CLNS1A: variants seen among roughly 807,000 people sequenced by gnomAD.
The protein encoded by CLNS1A is methylosome subunit pICln.
A neutral mutation model predicts 29.4 loss-of-function variants in CLNS1A; 16 were observed. That is an observed-to-expected ratio of 0.54 (90% CI 0.37 to 0.83). CLNS1A has a LOEUF of 0.83. Ranked by LOEUF, CLNS1A falls within the 40% of genes least tolerant of loss-of-function variation. CLNS1A has a pLI of 0.00. For missense variants in CLNS1A, 235 were observed against 287.4 expected, an observed-to-expected ratio of 0.82 and a Z score of 1.32; for synonymous variants, 96 against 104.8, an observed-to-expected ratio of 0.92 and a Z score of 0.51.
At chr11:77,626,076 A>G (rs7131298) in intron 2 of CLNS1A, among the ~76,000 whole-genome samples, 27,492 of 151,860 alleles carry the variant, frequency 0.18, 3,192 homozygotes, top group African/African-American at 0.31. Flanking sequence ...TTTTAAGGTT[A>G]TTTTTAAGGT....
At chr11:77,627,821 G>C (rs2135770583) in intron 2 of CLNS1A, among the ~76,000 whole-genome samples, 2 of 152,114 alleles carry the variant, frequency 1.3e-5, no homozygotes, top group Middle Eastern at 3.4e-3. Context: ...GTTAATGACA[G>C]AGTTCTTACT....
chr11:77,629,875 A>T lies in CLNS1A; in HGVS notation c.150T>A (p.Ser50=), dbSNP rs370530619. 2.5e-6 allele frequency: 4 copies of T among 1,614,010 alleles called. No individual in the cohort carries two copies. In the African/African-American group the frequency reaches 5.3e-5, roughly 22 times the overall value. Residue 50 remains serine, a synonymous_variant, in exon 2 of 7, where the codon TCT becomes TCA. Transcript: ENST00000525428. ...GGTATTCCAGTGAGAATCCTAATCC[A>T]GAGCCATCTAACCAAGACAGGCGGC... ...AESRLSWLDG[S]GLGFSLEYPT...
chr11:77,628,536 C>G (rs2135771643), intron 2 of CLNS1A, among the ~76,000 whole-genome samples: 1 of 152,250 alleles, frequency 6.6e-6, no homozygotes, highest in East Asian at 1.9e-4. Flanking sequence ...AATTTGAAAT[C>G]TTATAACAAA....
At position 77,629,885 on chromosome 11, in the gene CLNS1A, A is replaced by C. The variant is rs1959058069; in HGVS notation, c.140T>G (p.Leu47Ter). Residue 47 changes from leucine to a stop codon, truncating the protein, a stop_gained, in exon 2 of 7, where the codon TTA becomes TGA. Coordinates refer to ENST00000525428, the MANE Select transcript of CLNS1A (RefSeq NM_001293.3). LOFTEE classifies it high-confidence loss of function. ...LYIAESRLSW[L>*]DGSGLGFSLE... ...TGAGAATCCTAATCCAGAGCCATCT[A>C]ACCAAGACAGGCGGCTGAAAAACAT... is the stretch of plus-strand genomic sequence containing the variant. 2.5e-6 allele frequency: 4 copies of C among 1,614,078 alleles called. No homozygotes were observed. The highest frequency in any genetic ancestry group is 3.4e-6 in the Non-Finnish European group (4 of 1,179,932).
At position 77,615,906 on chromosome 11, in the gene CLNS1A, G is replaced by T. The variant is rs1006941160; in HGVS notation, c.*812C>A. On this transcript the variant is annotated 3_prime_UTR_variant, in exon 7 of 7. Coordinates refer to ENST00000525428, the MANE Select transcript of CLNS1A (RefSeq NM_001293.3). ...CAGGTATCTATGAAAACTAAAAATT[G>T]AGAGTTGATAAATATAAGAAATTAC... is the stretch of plus-strand genomic sequence containing the variant. The T allele has an allele frequency of 6.6e-6, 1 of 152,176 alleles. No individual in the cohort carries two copies. The highest frequency in any genetic ancestry group is 6.5e-5 in the Admixed American group (1 of 15,274). The allele number at this position is 152,176 out of a possible 1,614,324, so 9.4% of individuals were successfully genotyped here. A position where few individuals can be genotyped will look rare whatever the true frequency, so the allele number is the denominator to read the frequency against.
In CLNS1A at chr11:77,629,554, T is replaced by C. The variant is rs545725334; in HGVS notation, c.262+209A>G. Among the ~76,000 whole-genome samples the C allele has an allele frequency of 1.3e-4, 20 of 152,116 alleles. No individual in the cohort carries two copies. In the East Asian group the frequency reaches 3.7e-3, roughly 28 times the overall value. ...GACTACAGGCGCCCACCACCACGCCTGGCTAATTTTTTGTATTTTTTAGTA... is the reference window on the plus strand; with the variant it reads ...GACTACAGGCGCCCACCACCACGCCCGGCTAATTTTTTGTATTTTTTAGTA... On this transcript the variant is annotated intron_variant, in intron 2 of 6. Coordinates refer to ENST00000525428, the MANE Select transcript of CLNS1A (RefSeq NM_001293.3).
At chr11:77,622,998 T>G (rs555177409) in intron 4 of CLNS1A, among the ~76,000 whole-genome samples, 4 of 146,576 alleles carry the variant, frequency 2.7e-5, no homozygotes, top group African/African-American at 1.0e-4. Context: ...ACTGTCCAAA[T>G]AGGCTTCCAG....
chr11:77,621,018 C>T (rs550723582), intron 5 of CLNS1A, among the ~76,000 whole-genome samples: 2 of 151,482 alleles, frequency 1.3e-5, no homozygotes, highest in South Asian at 4.2e-4. Context: ...GAATCATGGC[C>T]GGGTGCAGTG....
chr11:77,637,550 C>A, intron 1 of CLNS1A, 40 bp downstream of exon 1: 1 of 1,570,454 alleles, frequency 6.4e-7, no homozygotes, highest in Non-Finnish European at 8.6e-7. Context: ...AGGAGGAGGG[C>A]GGCGCGCAGG....
intron 5 of CLNS1A, among the ~76,000 whole-genome samples, 186 bp from the exon 6 acceptor site, chr11:77,619,881 A>G (rs1039329763): frequency 1.3e-5 from 2 of 152,250 alleles, no homozygotes; most frequent in Non-Finnish European, 2.9e-5. Context: ...AGGCCACATC[A>G]AAATCAGTCT....
chr11:77,631,653 A>G (rs1389222573), intron 1 of CLNS1A, among the ~76,000 whole-genome samples: 2 of 151,890 alleles, frequency 1.3e-5, no homozygotes, highest in Admixed American at 1.3e-4. Context: ...AAGTAAGAAT[A>G]TATGCACTGT....
At chr11:77,617,537 G>A (rs1459513185) in intron 6 of CLNS1A, among the ~76,000 whole-genome samples, 5 of 149,312 alleles carry the variant, frequency 3.3e-5, no homozygotes, top group African/African-American at 7.4e-5. Flanking sequence ...CGAGACTCCC[G>A]TGTCAAAAAA....
chr11:77,637,534 C>A, intron 1 of CLNS1A, 56 bp downstream of exon 1: 1 of 1,536,576 alleles, frequency 6.5e-7, no homozygotes, highest in South Asian at 1.2e-5. Context: ...ACCGCCTGCT[C>A]CAGCAAGGAG....
At chr11:77,625,672 G>A (rs1590798138) in intron 3 of CLNS1A, 45 bp downstream of exon 3, 2 of 1,545,868 alleles carry the variant, frequency 1.3e-6, no homozygotes, top group Admixed American at 3.8e-5. Flanking sequence ...AATTGGGAAT[G>A]CTTGGTATGT....
At chr11:77,618,945 G>A (rs1423890339) in intron 6 of CLNS1A, among the ~76,000 whole-genome samples, 3 of 152,316 alleles carry the variant, frequency 2.0e-5, no homozygotes, top group East Asian at 1.9e-4. Flanking sequence ...GGAGGCTAGC[G>A]AGAGCATCTC....
chr11:77,625,671 T>C (rs1487418014), intron 3 of CLNS1A, 46 bp downstream of exon 3: 1 of 1,542,190 alleles, frequency 6.5e-7, no homozygotes, highest in Non-Finnish European at 8.8e-7. Context: ...CAATTGGGAA[T>C]GCTTGGTATG....
chr11:77,624,644 A>G (rs1958996990), intron 4 of CLNS1A, among the ~76,000 whole-genome samples: 1 of 151,960 alleles, frequency 6.6e-6, no homozygotes, highest in Admixed American at 6.6e-5. Flanking sequence ...ACATGGAGAA[A>G]CCCCATCTCT....
At position 77,616,334 on chromosome 11, in the gene CLNS1A, G is replaced by A. The variant is rs1958905264; in HGVS notation, c.*384C>T. 2.0e-5 allele frequency: 3 copies of A among 152,244 alleles called. No individual in the cohort carries two copies. Among genetic ancestry groups the A allele is most frequent in the African/African-American group, 7.2e-5 (3 of 41,438 alleles). The allele number at this position is 152,244 out of a possible 1,614,324, so 9.4% of individuals were successfully genotyped here. ...AGCAGACTGGTAAAACATGGCGAAA[G>A]GAGCTCTCTCTTTCCCCCGCAGTCT... On this transcript the variant is annotated 3_prime_UTR_variant, in exon 7 of 7. Transcript: ENST00000525428.
At chr11:77,621,809 C>A in intron 5 of CLNS1A, 1 of 369,220 alleles carries the variant, frequency 2.7e-6, no homozygotes, top group Non-Finnish European at 5.3e-6. Context: ...GATTACCCTG[C>A]ATAGTGTGGT....
Sources: gnomAD v4.1 joint callset for allele counts (sites outside exome capture counted in the v4.1 genomes callset) on GRCh38, gnomAD v4.1.1 for gene constraint, MANE v1.5 for transcripts, NCBI Gene and HGNC (gene_info 2026-07-23, HGNC 2026-07-21) for gene names.